Variants in PRKAG3 observed in about 807,000 individuals in gnomAD.
PRKAG3 encodes the protein 5'-AMP-activated protein kinase subunit gamma-3.
A neutral mutation model predicts 56.5 loss-of-function variants in PRKAG3; 39 were observed. That is an observed-to-expected ratio of 0.69 (90% CI 0.53 to 0.90). The LOEUF (loss-of-function observed/expected upper bound fraction) is 0.90, where lower values mean the gene tolerates loss of function less well. Ranked by LOEUF, PRKAG3 falls within the 40% of genes least tolerant of loss-of-function variation. PRKAG3 has a pLI of 0.00. For synonymous variants in PRKAG3, 243 were observed against 250.1 expected, an observed-to-expected ratio of 0.97 and a Z score of 0.27; for missense variants, 628 against 627.5, an observed-to-expected ratio of 1.00 and a Z score of -0.01.
downstream of PRKAG3, chr2:218,822,850 G>T: frequency 1.0e-6 from 1 of 973,646 alleles, no homozygotes; most frequent in Non-Finnish European, 1.2e-6. Context: ...GAATCCAGAA[G>T]CCCTGACTAA....
At position 218,827,572 on chromosome 2, in the gene PRKAG3, C is replaced by T. The variant is rs545200154; in HGVS notation, c.875+3G>A. The T allele has an allele frequency of 2.0e-5, 33 of 1,613,744 alleles. 1 individual carries two copies. In the South Asian group the frequency reaches 3.2e-4, roughly 16 times the overall value. ...GCTCAGGTGAATGAGCAGAGACACCCACCTATCATTAGGAGAGATGGAGAC... is the reference window on the plus strand; with the variant it reads ...GCTCAGGTGAATGAGCAGAGACACCTACCTATCATTAGGAGAGATGGAGAC... On this transcript the variant is annotated splice_donor_region_variant and intron_variant, in intron 8 of 12. Coordinates refer to ENST00000529249, the Ensembl canonical transcript of PRKAG3. The surrounding 1 kb of genome is among the most constrained non-coding windows in gnomAD (Gnocchi z 5.3).
chr2:218,828,469 T>C (rs1255920525), intron 5 of PRKAG3, 50 bp downstream of exon 5: 2 of 1,524,124 alleles, frequency 1.3e-6, no homozygotes, highest in Admixed American at 1.8e-5. Context: ...CCGTACAAGA[T>C]CTCCCCCTCA....
Position 218,828,005 on chromosome 2 carries a change from A to AG in PRKAG3, c.772dup (p.Leu258ProfsTer6), listed in dbSNP as rs1943961619. On this transcript the variant is annotated frameshift_variant and splice_region_variant, in exon 6 of 13. Coordinates refer to ENST00000529249, the Ensembl canonical transcript of PRKAG3. LOFTEE classifies it high-confidence loss of function. The stretch of plus-strand genomic sequence containing the variant: ...TAAGATTCCCAGCCCACTCCTCACC[A>AG]GGGGGGACCTGTAGTAGCGATGCAG... 6.4e-7 allele frequency: 1 copy of AG among 1,574,528 alleles called. No homozygotes were observed. Among genetic ancestry groups the AG allele is most frequent in the Non-Finnish European group, 8.6e-7 (1 of 1,158,946 alleles).
chr2:218,830,201 G>T lies in PRKAG3; in HGVS notation c.410C>A (p.Thr137Lys), dbSNP rs559742480. 179 of 1,614,112 alleles carry T rather than the reference G, an allele frequency of 1.1e-4. 2 individuals are homozygous for T. The South Asian group carries it at 1.8e-3, about 17-fold the overall frequency. ...CCAGGCCTCTGTGGCTGGGAACTCC[G>T]TGGCCAGCTCCACATCATCTGTGCT... The change falls in exon 4 of 13, where the codon ACG becomes AAG. Residue 137 changes from threonine (T) to lysine (K), a missense_variant. Coordinates refer to ENST00000529249, the Ensembl canonical transcript of PRKAG3.
Position 218,827,036 on chromosome 2 carries a change from C to G in PRKAG3, c.1060G>C (p.Gly354Arg). 1 of 1,614,046 alleles carries G rather than the reference C, an allele frequency of 6.2e-7. No individual in the cohort carries two copies. The highest frequency in any genetic ancestry group is 8.5e-7 in the Non-Finnish European group (1 of 1,180,050). ...ACCACAGCCAAGTCTCGGAATGTGC[C>G]GATGCCCAAATCTTGGATAGTGCGG... The change falls in exon 10 of 13, where the codon GGC becomes CGC. Residue 354 changes from glycine to arginine, a missense_variant. By Grantham distance (125) the Gly-to-Arg change is moderately radical. Coordinates refer to ENST00000529249, the Ensembl canonical transcript of PRKAG3. This position sits in a 1 kb window ranked among gnomAD's most constrained non-coding sequence, Gnocchi z 5.3.
In PRKAG3 at chr2:218,827,404, C is replaced by A; in HGVS notation, c.876-31G>T. ...GAGATGGGAGCAGTGAGCCTCGGGG[C>A]AGCCTAGGGAGAGACAACCTCCATC... On this transcript the variant is annotated intron_variant, in intron 8 of 12. Transcript: ENST00000529249. The surrounding 1 kb of genome is among the most constrained non-coding windows in gnomAD (Gnocchi z 5.3). 6.2e-7 allele frequency: 1 copy of A among 1,613,936 alleles called. No individual in the cohort carries two copies. Among genetic ancestry groups the A allele is most frequent in the Non-Finnish European group, 8.5e-7 (1 of 1,179,906 alleles).
At chr2:218,826,413 G>C (rs981021310) in intron 10 of PRKAG3, among the ~76,000 whole-genome samples, 1 of 152,112 alleles carries the variant, frequency 6.6e-6, no homozygotes, top group Non-Finnish European at 1.5e-5. Flanking sequence ...GCTGGCTGGG[G>C]GCCCGAGGTC....
In PRKAG3 at chr2:218,830,102, A is replaced by C. The variant is rs762040545; in HGVS notation, c.509T>G (p.Leu170Arg). ...TTTCCGCAGTTCGTCATCCCAGCCC[A>C]GCTTGGGAAATGGGGCCTGCGGGGA... is the stretch of plus-strand genomic sequence containing the variant. Residue 170 changes from leucine to arginine, a missense_variant, in exon 4 of 13, where the codon CTG (leucine) becomes CGG (arginine). Physicochemically the swap from Leu to Arg is moderately radical, Grantham distance 102 (BLOSUM62 -2). Transcript: ENST00000529249. The C allele has an allele frequency of 1.2e-4, 189 of 1,612,872 alleles. No homozygotes were observed. Among genetic ancestry groups the C allele is most frequent in the Non-Finnish European group, 1.6e-4 (186 of 1,179,102 alleles).
At chr2:218,831,463 G>A in intron 1 of PRKAG3, 88 bp from the exon 2 acceptor site, 1 of 1,240,080 alleles carries the variant, frequency 8.1e-7, no homozygotes, top group African/African-American at 1.5e-5. Context: ...ACACACCCAT[G>A]CACACCAATA....
chr2:218,829,113 A>G (rs527906698), intron 4 of PRKAG3, among the ~76,000 whole-genome samples: 1 of 152,310 alleles, frequency 6.6e-6, no homozygotes, highest in Admixed American at 6.5e-5. Context: ...ACTGAAATAG[A>G]CATATTTTTT....
At chr2:218,829,868 G>T in intron 4 of PRKAG3, 110 bp downstream of exon 4, 1 of 1,371,452 alleles carries the variant, frequency 7.3e-7, no homozygotes, top group Non-Finnish European at 1.0e-6. Context: ...TCCTTTCAGG[G>T]GGCTTGCAGG....
chr2:218,830,032 G>A, exon 4 of PRKAG3: 1 of 1,614,088 alleles, frequency 6.2e-7, no homozygotes, highest in Non-Finnish European at 8.5e-7. Flanking sequence ...TGGCATCGTA[G>A]CAGGTGTGCT....
At position 218,827,664 on chromosome 2, in the gene PRKAG3, G is replaced by A. The variant is rs376982834; in HGVS notation, c.821-35C>T. 20 of 1,609,754 alleles carry A rather than the reference G, an allele frequency of 1.2e-5. No homozygotes were observed. The highest frequency in any genetic ancestry group is 1.2e-4 in the African/African-American group (9 of 74,886). ...GAGCCAGAGTCAGGCCAGGGGAGCCGGTCACCTGCCTCACCTTGCAGTCCC... is the reference window on the plus strand; with the variant it reads ...GAGCCAGAGTCAGGCCAGGGGAGCCAGTCACCTGCCTCACCTTGCAGTCCC... On this transcript the variant is annotated intron_variant, in intron 7 of 12. Transcript: ENST00000529249. This position sits in a 1 kb window ranked among gnomAD's most constrained non-coding sequence, Gnocchi z 5.3.
At chr2:218,823,118 G>T (rs762074730), downstream of PRKAG3, 27 of 904,286 alleles carry the variant, frequency 3.0e-5, no homozygotes, top group Middle Eastern at 1.1e-3. Context: ...CACATAGGAG[G>T]GACAGCGGCC....
In PRKAG3 at chr2:218,824,579, G is replaced by A. The variant is rs369516545; in HGVS notation, c.1169-3C>T. The A allele has an allele frequency of 4.2e-5, 67 of 1,610,784 alleles. No homozygotes were observed. Among genetic ancestry groups the A allele is most frequent in the Non-Finnish European group, 5.4e-5 (64 of 1,177,038 alleles). ...GGAATAGAGGCCCACGACCTGACCT[G>A]CAGAGGGTGGTTGTGGGGGGTGGGG... is the stretch of plus-strand genomic sequence containing the variant. On this transcript the variant is annotated splice_region_variant and splice_polypyrimidine_tract_variant and intron_variant, in intron 10 of 12. Transcript: ENST00000529249.
intron 11 of PRKAG3, 49 bp downstream of exon 11, chr2:218,824,490 C>T: frequency 6.2e-7 from 1 of 1,606,152 alleles, no homozygotes; most frequent in Non-Finnish European, 8.5e-7. Context: ...CCACCCATCC[C>T]CACACCCTTA....
chr2:218,828,005 AG>A lies in PRKAG3; in HGVS notation c.772del (p.Leu258TrpfsTer112). The A allele has an allele frequency of 1.9e-6, 3 of 1,574,520 alleles. No individual in the cohort carries two copies. The highest frequency in any genetic ancestry group is 1.7e-6 in the Non-Finnish European group (2 of 1,158,940). On this transcript the variant is annotated frameshift_variant and splice_region_variant, in exon 6 of 13. Transcript: ENST00000529249. LOFTEE classifies it high-confidence loss of function. ...TAAGATTCCCAGCCCACTCCTCACC[AG>A]GGGGGACCTGTAGTAGCGATGCAGC...
chr2:218,823,693 T>G (rs547761520), exon 13 of PRKAG3: 1 of 1,609,020 alleles, frequency 6.2e-7, no homozygotes, highest in African/African-American at 1.3e-5. Flanking sequence ...AGATGAAGGC[T>G]GAGTTCTCCA....
Position 218,827,460 on chromosome 2 carries a change from A to C in PRKAG3, c.876-87T>G. The C allele has an allele frequency of 6.2e-7, 1 of 1,606,128 alleles. No individual in the cohort carries two copies. The highest frequency in any genetic ancestry group is 1.1e-5 in the South Asian group (1 of 90,706). ...CCCCTAAAAAGGAGGGCAGGGCACC[A>C]AGGCTCCCTTGTCTGTGTGCCGCCT... On this transcript the variant is annotated intron_variant, in intron 8 of 12. Transcript: ENST00000529249. The surrounding 1 kb of genome is among the most constrained non-coding windows in gnomAD (Gnocchi z 5.3).
Sources: allele counts gnomAD v4.1 joint callset (sites outside exome capture counted in the v4.1 genomes callset), GRCh38; gene constraint gnomAD v4.1.1; non-coding constraint Gnocchi (gnomAD v3.1); transcripts MANE v1.5; gene names NCBI Gene and HGNC (gene_info 2026-07-23, HGNC 2026-07-21).